SEC31A: variants seen among roughly 807,000 people sequenced by gnomAD.
SEC31A encodes the protein SEC31 homolog A, COPII component, also known as protein transport protein Sec31A.
SEC31A carries 70 observed loss-of-function variants against 151.0 expected under a neutral mutation model. That is an observed-to-expected ratio of 0.46 (90% CI 0.38 to 0.57). The LOEUF is 0.57. Among genes scored for constraint, SEC31A ranks in the 20% least tolerant of loss-of-function variants. The pLI is 0.00. For synonymous variants in SEC31A, 475 were observed against 505.9 expected (o/e 0.94, Z 0.82); for missense variants, 1,330 against 1,471.2 (o/e 0.90, Z 1.57).
intron 3 of SEC31A, chr4:82,880,538 G>A (rs1193211990): frequency 8.0e-6 from 2 of 249,026 alleles, no homozygotes; most frequent in Non-Finnish European, 1.5e-5. Flanking sequence ...GCAGTGAGCC[G>A]AGATCGTGCC....
chr4:82,870,828 C>T (rs766658061), intron 7 of SEC31A, among the ~76,000 whole-genome samples: 3 of 152,204 alleles, frequency 2.0e-5, no homozygotes, highest in Non-Finnish European at 4.4e-5. Flanking sequence ...CAATGTAGTG[C>T]AGTGTATGAC....
At chr4:82,874,876 ATT>A in intron 5 of SEC31A, 125 bp from the exon 6 acceptor site, 1 of 1,162,208 alleles carries the variant, frequency 8.6e-7, no homozygotes, top group South Asian at 1.4e-5. Flanking sequence ...TATGCCACAA[ATT>A]TGCTTTATAG....
At chr4:82,859,342 A>G (rs1205309607) in intron 14 of SEC31A, among the ~76,000 whole-genome samples, 1 of 152,258 alleles carries the variant, frequency 6.6e-6, no homozygotes, top group Non-Finnish European at 1.5e-5. Context: ...TTTCTTTAGA[A>G]GAAATATAAT....
intron 1 of SEC31A, among the ~76,000 whole-genome samples, chr4:82,889,257 C>A (rs1353438810): frequency 6.6e-6 from 1 of 152,122 alleles, no homozygotes; most frequent in African/African-American, 2.4e-5. Context: ...GTAAATCAAT[C>A]TAGTAATATC....
At chr4:82,824,380 T>G (rs1005278191) in intron 25 of SEC31A, among the ~76,000 whole-genome samples, 175 bp downstream of exon 25, 7 of 152,090 alleles carry the variant, frequency 4.6e-5, no homozygotes, top group Non-Finnish European at 1.0e-4. Flanking sequence ...ATTTTTTGTA[T>G]TTGTAGTAGA....
upstream of SEC31A, chr4:82,891,279 A>G (rs983865394): frequency 2.3e-5 from 26 of 1,144,470 alleles, no homozygotes; most frequent in Non-Finnish European, 3.1e-5. Flanking sequence ...CACCCGACGC[A>G]CAGCCCGCCA....
At position 82,874,734 on chromosome 4, in the gene SEC31A, G is replaced by A; in HGVS notation, c.516C>T (p.Ser172=). ...GAACTTGTCTGTTCCATGCAATGCAGCTGATATCTTCTGGCGGCTACAAGG... is the reference window on the plus strand; with the variant it reads ...GAACTTGTCTGTTCCATGCAATGCAACTGATATCTTCTGGCGGCTACAAGG... The part of the protein sequence containing the change: ...GAKTQPPEDI[S]CIAWNRQVQH... The change falls in exon 6 of 27, where the codon AGC becomes AGT. Residue 172 remains serine, a synonymous_variant. Transcript: ENST00000395310. 1 of 1,608,100 alleles carries A rather than the reference G, an allele frequency of 6.2e-7. No individual in the cohort carries two copies. The highest frequency in any genetic ancestry group is 8.5e-7 in the Non-Finnish European group (1 of 1,178,836).
chr4:82,842,036 A>G, intron 22 of SEC31A, 104 bp downstream of exon 22: 1 of 971,294 alleles, frequency 1.0e-6, no homozygotes, highest in Non-Finnish European at 1.5e-6. Context: ...AACACCTCAC[A>G]TTACCCAGTT....
rs778066897 is a variant in SEC31A at position 82,875,803 on chromosome 4, C to A, written c.422G>T (p.Gly141Val). 1.9e-6 allele frequency: 3 copies of A among 1,600,748 alleles called. No individual in the cohort carries two copies. Reference protein sequence around the residue: ...NIFQTNLVASGANESEIYIWD... With the variant: ...NIFQTNLVASVANESEIYIWD... Reference sequence around the variant, plus strand: ...TATGTAGATTTCAGATTCATTAGCACCAGAAGCTACCAGATTAGTCTGCAA... The same window carrying A: ...TATGTAGATTTCAGATTCATTAGCAACAGAAGCTACCAGATTAGTCTGCAA... The change falls in exon 5 of 27, where the codon GGT (glycine) becomes GTT (valine). Residue 141 changes from glycine (G) to valine (V), a missense_variant. Coordinates refer to ENST00000395310, the MANE Select transcript of SEC31A (RefSeq NM_001077207.4).
chr4:82,838,310 T>A (rs1473674927), intron 22 of SEC31A, among the ~76,000 whole-genome samples: 1 of 152,188 alleles, frequency 6.6e-6, no homozygotes, highest in Non-Finnish European at 1.5e-5. Flanking sequence ...GTCTTCATAT[T>A]TGAAAGTGCT....
Position 82,842,442 on chromosome 4 carries a change from C to G in SEC31A, c.2666G>C (p.Gly889Ala). ...PAQPYPFGTG[G>A]SAMYRPQQPV... ...CTGCTGAGGTCGATACATTGCTGAC[C>G]CCCCTGTTCCGAAGGGATACGGCTG... is the stretch of plus-strand genomic sequence containing the variant. The change falls in exon 22 of 27, where the codon GGG becomes GCG. Residue 889 changes from glycine to alanine, a missense_variant. Physicochemically the swap from Gly to Ala is moderately conservative, Grantham distance 60. Coordinates refer to ENST00000395310, the MANE Select transcript of SEC31A (RefSeq NM_001077207.4). 2.5e-6 allele frequency: 4 copies of G among 1,613,480 alleles called. No homozygotes were observed. Among genetic ancestry groups the G allele is most frequent in the Non-Finnish European group, 3.4e-6 (4 of 1,179,824 alleles).
intron 14 of SEC31A, among the ~76,000 whole-genome samples, chr4:82,858,227 A>G (rs1733141840): frequency 6.6e-6 from 1 of 152,024 alleles, no homozygotes; most frequent in Non-Finnish European, 1.5e-5. Context: ...TCTGGCCAAC[A>G]TGGTGAAACC....
rs757346720 is a variant in SEC31A, at chr4:82,824,677, G to A, written c.3292-3C>T. The A allele has an allele frequency of 6.2e-7, 1 of 1,613,166 alleles. No homozygotes were observed. Among genetic ancestry groups the A allele is most frequent in the Non-Finnish European group, 8.5e-7 (1 of 1,179,736 alleles). On this transcript the variant is annotated splice_region_variant and splice_polypyrimidine_tract_variant and intron_variant, in intron 24 of 26. Coordinates refer to ENST00000395310, the MANE Select transcript of SEC31A (RefSeq NM_001077207.4). ...TTTGTTGGCAAAGACTGCACATGCT[G>A]GAAGAAACACACCAAAAACTGATCA...
At chr4:82,886,833 A>G (rs1445255264) in intron 1 of SEC31A, among the ~76,000 whole-genome samples, 3 of 152,326 alleles carry the variant, frequency 2.0e-5, no homozygotes, top group East Asian at 3.9e-4. Flanking sequence ...TATTGTTTAC[A>G]TATTTTCCAA....
chr4:82,839,880 C>T (rs1465619509), intron 22 of SEC31A, among the ~76,000 whole-genome samples: 1 of 152,212 alleles, frequency 6.6e-6, no homozygotes. Context: ...CTCAAGGCCA[C>T]AGGCACTTCT....
rs776519044 is a variant in SEC31A, at chr4:82,857,147, A to T, written c.1703-17T>A. The T allele has an allele frequency of 2.9e-5, 47 of 1,605,098 alleles. No homozygotes were observed. The South Asian group carries it at 4.7e-4, about 16-fold the overall frequency. ...CATCAATGTCTGCAACAAGAAAATA[A>T]TACATCCAAGTTAAATAGAGTTTTT... On this transcript the variant is annotated splice_polypyrimidine_tract_variant and intron_variant, in intron 15 of 26. Transcript: ENST00000395310.
At position 82,842,351 on chromosome 4, in the gene SEC31A, A is replaced by T; in HGVS notation, c.2757T>A (p.Tyr919Ter). 1 of 1,613,808 alleles carries T rather than the reference A, an allele frequency of 6.2e-7. No homozygotes were observed. The highest frequency in any genetic ancestry group is 8.5e-7 in the Non-Finnish European group (1 of 1,179,856). Residue 919 changes from tyrosine to a stop codon, truncating the protein, a stop_gained, in exon 22 of 27, where the codon TAT (tyrosine) becomes TAA (stop). Coordinates refer to ENST00000395310, the MANE Select transcript of SEC31A (RefSeq NM_001077207.4). LOFTEE classifies it high-confidence loss of function. The part of the protein sequence containing the change: ...NTPYISSASS[Y>*]TGQSQLYAAQ... ...CTGCGTACAGCTGAGACTGCCCAGT[A>T]TAGGAAGAAGCAGAAGATATGTAAG...
intron 18 of SEC31A, among the ~76,000 whole-genome samples, chr4:82,852,614 T>C (rs1259698203): frequency 6.6e-6 from 1 of 152,206 alleles, no homozygotes; most frequent in Non-Finnish European, 1.5e-5. Context: ...GAGTGATCTT[T>C]AAAGCACTGA....
At chr4:82,893,036 ATTT>A (rs1719909322), upstream of SEC31A, 2 of 152,168 alleles carry the variant, frequency 1.3e-5, no homozygotes, top group Non-Finnish European at 2.9e-5. Flanking sequence ...TTAATGACAA[ATTT>A]TTCAAATTAG....
Sources: allele counts gnomAD v4.1 joint callset (sites outside exome capture counted in the v4.1 genomes callset), GRCh38; gene constraint gnomAD v4.1.1; transcripts MANE v1.5; gene names NCBI Gene and HGNC (gene_info 2026-07-23, HGNC 2026-07-21).